The following OSBP2 variants were observed in gnomAD, a reference collection of about 807,000 sequenced individuals.
OSBP2 encodes the protein oxysterol binding protein 2.
OSBP2 carries 66 observed loss-of-function variants against 96.0 expected under a neutral mutation model. The observed-to-expected ratio is 0.69, with a 90% CI of 0.56 to 0.84. The LOEUF (loss-of-function observed/expected upper bound fraction) is 0.84. Among genes scored for constraint, OSBP2 ranks in the 40% least tolerant of loss-of-function variants. The probability of loss-of-function intolerance (pLI) is 0.00; values close to 1 mark genes in which losing one functional copy is unlikely to be tolerated. For synonymous variants in OSBP2, 525 were observed against 520.9 expected, an observed-to-expected ratio of 1.01 and a Z score of -0.11; for missense variants, 1,038 against 1,222.7, an observed-to-expected ratio of 0.85 and a Z score of 2.25.
Position 30,870,786 on chromosome 22 carries a change from C to T in OSBP2, c.1107+104C>T. 1 of 1,239,118 alleles carries T rather than the reference C, an allele frequency of 8.1e-7. No individual in the cohort carries two copies. Among genetic ancestry groups the T allele is most frequent in the Non-Finnish European group, 1.1e-6 (1 of 887,930 alleles). 76.8% of individuals were successfully genotyped at this position (1,239,118 alleles called of 1,614,324 possible). On this transcript the variant is annotated intron_variant, in intron 3 of 13. Coordinates refer to ENST00000332585, the MANE Select transcript of OSBP2 (RefSeq NM_030758.4). This position sits in a 1 kb window ranked among gnomAD's most constrained non-coding sequence, Gnocchi z 4.1. ...AGCTTGAAGGGTCAGCGTTCCATTT[C>T]CTGCGGTTCCACGGTGTTTCCCAAA...
At chr22:30,874,620 G>A (rs536323862) in intron 3 of OSBP2, among the ~76,000 whole-genome samples, 90 of 152,282 alleles carry the variant, frequency 5.9e-4, no homozygotes, top group African/African-American at 1.5e-3. Context: ...CTCGCAGGGC[G>A]CTGCAGCCAT....
intron 1 of OSBP2, among the ~76,000 whole-genome samples, chr22:30,723,810 G>A (rs1341089059): frequency 2.6e-5 from 4 of 152,108 alleles, no homozygotes; most frequent in South Asian, 2.1e-4. Flanking sequence ...ACTCTCTCCC[G>A]ACACAGGCAT....
intron 1 of OSBP2, among the ~76,000 whole-genome samples, chr22:30,716,588 C>G (rs1488030032): frequency 6.6e-6 from 1 of 151,788 alleles, no homozygotes; most frequent in Non-Finnish European, 1.5e-5. Context: ...CAGGTGCCCA[C>G]CACCACGCCT....
intron 2 of OSBP2, among the ~76,000 whole-genome samples, chr22:30,823,959 G>T (rs2038340909): frequency 6.6e-6 from 1 of 152,158 alleles, no homozygotes; most frequent in Non-Finnish European, 1.5e-5. Flanking sequence ...GGAGAATTTT[G>T]GAGTTAGTTT....
At chr22:30,727,997 C>T (rs139129417) in intron 1 of OSBP2, among the ~76,000 whole-genome samples, 9,938 of 151,472 alleles carry the variant, frequency 0.066, 466 homozygotes, top group Non-Finnish European at 0.095. Flanking sequence ...CCTAGCTACT[C>T]GGGAGGCTGA....
At chr22:30,858,570 A>G (rs910901257) in intron 2 of OSBP2, among the ~76,000 whole-genome samples, 10 of 150,296 alleles carry the variant, frequency 6.7e-5, no homozygotes, top group African/African-American at 2.5e-4. Flanking sequence ...CCTACACACT[A>G]CCTTACAGTT....
At chr22:30,866,966 C>T (rs2039352722) in intron 2 of OSBP2, among the ~76,000 whole-genome samples, 1 of 152,172 alleles carries the variant, frequency 6.6e-6, no homozygotes, top group African/African-American at 2.4e-5. Flanking sequence ...GTGAGGCCCA[C>T]CCCCTTGTGC....
In OSBP2 at chr22:30,741,184, C is replaced by G; in HGVS notation, c.668C>G (p.Thr223Arg). The G allele has an allele frequency of 6.2e-7, 1 of 1,614,070 alleles. No individual in the cohort carries two copies. Residue 223 changes from threonine to arginine, a missense_variant, in exon 2 of 14, where the codon ACG becomes AGG. This residue lies in a region of OSBP2 where 281 missense variants were observed against 273.4 expected (regional missense o/e 1.03). Transcript: ENST00000332585. ...YYRNQGEMAHTCRGTINLSTA... is the reference protein window; with the variant it reads ...YYRNQGEMAHRCRGTINLSTA... Reference sequence around the variant, plus strand: ...AGAAATCAGGGTGAAATGGCCCACACGTGCCGTGGAACCATCAACCTGTCC... The same window carrying G: ...AGAAATCAGGGTGAAATGGCCCACAGGTGCCGTGGAACCATCAACCTGTCC...
chr22:30,789,068 C>T (rs1412649480), intron 2 of OSBP2, among the ~76,000 whole-genome samples: 1 of 151,924 alleles, frequency 6.6e-6, no homozygotes, highest in Non-Finnish European at 1.5e-5. Flanking sequence ...CATGAAAGGG[C>T]AAAAAAATTA....
chr22:30,841,200 A>G (rs1333347734), intron 2 of OSBP2, among the ~76,000 whole-genome samples: 1 of 152,126 alleles, frequency 6.6e-6, no homozygotes, highest in Admixed American at 6.6e-5. Context: ...ATAATAAAAA[A>G]TAAAGTGTAC....
chr22:30,711,714 T>C (rs1427266738), intron 1 of OSBP2, among the ~76,000 whole-genome samples: 2 of 141,654 alleles, frequency 1.4e-5, no homozygotes, highest in Non-Finnish European at 3.0e-5. Context: ...CACTCCAGCC[T>C]GGGTGACACA....
chr22:30,724,453 T>G (rs1195385459), intron 1 of OSBP2, among the ~76,000 whole-genome samples: 1 of 152,154 alleles, frequency 6.6e-6, no homozygotes, highest in Non-Finnish European at 1.5e-5. Flanking sequence ...ACTCCTGACC[T>G]TAGGTGATCC....
intron 6 of OSBP2, 39 bp downstream of exon 6, chr22:30,889,273 TTCTGGCCTA>T: frequency 6.3e-7 from 1 of 1,593,878 alleles, no homozygotes; most frequent in Non-Finnish European, 8.6e-7. Flanking sequence ...AGAAGGCAGC[TTCTGGCCTA>T]GGGGGTGGGA....
chr22:30,729,130 A>G (rs1357746711), intron 1 of OSBP2, among the ~76,000 whole-genome samples: 5 of 152,136 alleles, frequency 3.3e-5, no homozygotes, highest in African/African-American at 1.2e-4. Flanking sequence ...TGAAGTGCCT[A>G]CTCAAGTTTT....
intron 2 of OSBP2, among the ~76,000 whole-genome samples, chr22:30,807,942 T>A (rs1441538983): frequency 2.6e-5 from 4 of 152,134 alleles, no homozygotes; most frequent in African/African-American, 9.7e-5. Context: ...CAGGCCACCA[T>A]GCCAAGCTAA....
intron 2 of OSBP2, among the ~76,000 whole-genome samples, chr22:30,802,050 A>G (rs136262): frequency 0.11 from 16,547 of 152,228 alleles, 962 homozygotes; most frequent in Non-Finnish European, 0.14. Context: ...GGGTATCCTC[A>G]TCTTGGACTC....
intron 1 of OSBP2, among the ~76,000 whole-genome samples, chr22:30,698,865 C>G (rs559459291): frequency 6.6e-6 from 1 of 152,164 alleles, no homozygotes; most frequent in Non-Finnish European, 1.5e-5. Context: ...TAATCCTGGT[C>G]GCCATGCACT....
intron 1 of OSBP2, among the ~76,000 whole-genome samples, chr22:30,701,344 C>CTTTTTTTTTTTTTTTTTTTTTTTTTTT (rs1228654999): frequency 7.8e-6 from 1 of 127,990 alleles, no homozygotes; most frequent in African/African-American, 2.8e-5. Flanking sequence ...TTTTTCTTTT[C>CTTTTTTTTTTTTTTTTTTTTTTTTTTT]TTTTTTTTTT....
chr22:30,856,199 C>T (rs2039073515), intron 2 of OSBP2, among the ~76,000 whole-genome samples: 1 of 152,082 alleles, frequency 6.6e-6, no homozygotes, highest in Admixed American at 6.6e-5. Flanking sequence ...TGCCTCCTAC[C>T]CCTATACCCC....
Sources: gnomAD v4.1 joint callset for allele counts (sites outside exome capture counted in the v4.1 genomes callset) on GRCh38, gnomAD v4.1.1 for gene constraint, gnomAD v4.1.1 regional missense constraint, Gnocchi (gnomAD v3.1) non-coding constraint, MANE v1.5 for transcripts, NCBI Gene and HGNC (gene_info 2026-07-23, HGNC 2026-07-21) for gene names.